Variants in ZFAT observed in about 807,000 individuals in gnomAD.
The protein encoded by ZFAT is zinc finger and AT-hook domain containing, also known as zinc finger protein ZFAT.
In ZFAT, 64 loss-of-function variants were observed where a neutral mutation model predicts 117.7. The ratio of observed to expected loss-of-function variants is 0.54; its 90% CI spans 0.44 to 0.67. ZFAT has a LOEUF of 0.67. Among genes scored for constraint, ZFAT ranks in the 30% least tolerant of loss-of-function variants. The pLI is 0.00. For missense variants in ZFAT, 1,433 were observed against 1,584.5 expected (o/e 0.90, Z 1.62); for synonymous variants, 679 against 615.0 (o/e 1.10, Z -1.54).
At position 134,601,511 on chromosome 8, in the gene ZFAT, C is replaced by G. The variant is rs766337446; in HGVS notation, c.2208G>C (p.Arg736=). ...QMNTSLCERI[R]KVYGDLECEY... is the part of the protein sequence containing the mutation. Reference sequence around the variant, plus strand: ...CACACTCCAGGTCTCCATAAACCTTCCGGATCCGCTCACACAAGCTGGTGT... The same window carrying G: ...CACACTCCAGGTCTCCATAAACCTTGCGGATCCGCTCACACAAGCTGGTGT... The change falls in exon 6 of 16, where the codon CGG becomes CGC. Residue 736 remains arginine, a synonymous_variant. Coordinates refer to ENST00000377838, the MANE Select transcript of ZFAT (RefSeq NM_020863.4). 3.1e-6 allele frequency: 5 copies of G among 1,613,766 alleles called. No homozygotes were observed. In the African/African-American group the frequency reaches 4.0e-5, roughly 13 times the overall value.
chr8:134,831,359 AC>A, the ZFAT span, among the ~76,000 whole-genome samples: 3 of 152,208 alleles, frequency 2.0e-5, no homozygotes, highest in Non-Finnish European at 4.4e-5. Flanking sequence ...CTCCCAAGTA[AC>A]TTTTTTATCA....
intron 1 of ZFAT, among the ~76,000 whole-genome samples, chr8:134,705,605 C>A (rs1179620775): frequency 1.3e-5 from 2 of 151,760 alleles, no homozygotes; most frequent in South Asian, 2.1e-4. Context: ...TTTCAGCTCA[C>A]TGCAACCTCT....
At chr8:134,604,438 A>G (rs1263910805) in intron 5 of ZFAT, among the ~76,000 whole-genome samples, 19 of 152,216 alleles carry the variant, frequency 1.2e-4, no homozygotes, top group Non-Finnish European at 2.9e-5. Context: ...TGGAATGGCC[A>G]AGCCTTGTTT....
the ZFAT span, among the ~76,000 whole-genome samples, chr8:134,816,848 G>A: frequency 6.6e-6 from 1 of 152,000 alleles, no homozygotes; most frequent in Admixed American, 6.6e-5. Context: ...GGGCATGGTG[G>A]TGCATGCCTA....
intron 7 of ZFAT, among the ~76,000 whole-genome samples, chr8:134,595,099 G>T (rs1386535946): frequency 2.0e-4 from 30 of 152,216 alleles, no homozygotes; most frequent in Non-Finnish European, 5.9e-5. Flanking sequence ...TGTGATTTAG[G>T]CCACTAAATA....
At chr8:134,779,375 T>C in the ZFAT span, among the ~76,000 whole-genome samples, 6 of 151,734 alleles carry the variant, frequency 4.0e-5, no homozygotes, top group African/African-American at 1.5e-4. Context: ...GCCAAACAGG[T>C]AACCACAATG....
At chr8:134,800,347 C>T in the ZFAT span, among the ~76,000 whole-genome samples, 1 of 152,282 alleles carries the variant, frequency 6.6e-6, no homozygotes, top group Non-Finnish European at 1.5e-5. Context: ...CTTTTCTCTG[C>T]AAACATATTC....
At chr8:134,745,719 G>C in the ZFAT span, among the ~76,000 whole-genome samples, 1 of 152,114 alleles carries the variant, frequency 6.6e-6, no homozygotes, top group East Asian at 1.9e-4. Flanking sequence ...TGCAATCTAA[G>C]GTCTCACTGA....
At chr8:134,609,008 C>T in intron 4 of ZFAT, 129 bp from the exon 5 acceptor site, 1 of 1,134,180 alleles carries the variant, frequency 8.8e-7, no homozygotes, top group Non-Finnish European at 1.2e-6. Context: ...AGATAGTTTT[C>T]ACTCAGCTCG....
chr8:134,491,439 T>C (rs2130137700), intron 15 of ZFAT, among the ~76,000 whole-genome samples: 1 of 152,370 alleles, frequency 6.6e-6, no homozygotes, highest in East Asian at 1.9e-4. Context: ...AACCAATTAC[T>C]AGAAATTTAG....
chr8:134,485,188 G>C (rs1232662962), intron 15 of ZFAT, among the ~76,000 whole-genome samples: 1 of 152,160 alleles, frequency 6.6e-6, no homozygotes, highest in African/African-American at 2.4e-5. Flanking sequence ...GGGGGGCTCT[G>C]CCCACCCACT....
the ZFAT span, chr8:134,793,414 T>G: frequency 6.6e-6 from 1 of 152,198 alleles, no homozygotes; most frequent in African/African-American, 2.4e-5. Flanking sequence ...TTCTGAGTGC[T>G]TGGTATGTGC....
intron 5 of ZFAT, 125 bp downstream of exon 5, chr8:134,608,604 G>A (rs1828069330): frequency 1.3e-5 from 15 of 1,190,772 alleles, no homozygotes; most frequent in Non-Finnish European, 1.8e-5. Context: ...CAAGGAGTCA[G>A]TATCTCTTAT....
At chr8:134,536,099 G>T (rs899915492) in intron 11 of ZFAT, among the ~76,000 whole-genome samples, 4 of 152,142 alleles carry the variant, frequency 2.6e-5, no homozygotes, top group Admixed American at 2.0e-4. Flanking sequence ...CCATCCATTG[G>T]CAGAATTGCT....
At chr8:134,577,251 C>A (rs16905185) in intron 10 of ZFAT, among the ~76,000 whole-genome samples, 13,853 of 152,214 alleles carry the variant, frequency 0.091, 947 homozygotes, top group East Asian at 0.36. Flanking sequence ...GAAACCTTCA[C>A]CCAGAATGAG....
upstream of ZFAT, among the ~76,000 whole-genome samples, chr8:134,713,435 G>A (rs116704559): frequency 6.2e-3 from 951 of 152,334 alleles, 11 homozygotes; most frequent in African/African-American, 0.021. Context: ...TTACTGATGT[G>A]TCCATCGGGG....
intron 13 of ZFAT, among the ~76,000 whole-genome samples, chr8:134,520,127 AAACACTG>A (rs1428816256): frequency 6.6e-6 from 1 of 152,214 alleles, no homozygotes; most frequent in Non-Finnish European, 1.5e-5. Flanking sequence ...TACCCCCAGG[AAACACTG>A]AACATTGGTA....
chr8:134,512,532 G>T lies in ZFAT; in HGVS notation c.3304C>A (p.Gln1102Lys), dbSNP rs1819933384. ...GCGGCCACCGCTGCCTGTGTCCCTT[G>T]AACGTCTTCTTCGGCCTCTGTGATG... ...LHITEAEEDV[Q>K]GTQAAVAALQ... The change falls in exon 14 of 16, where the codon CAA (glutamine) becomes AAA (lysine). Residue 1102 changes from glutamine (Q) to lysine (K), a missense_variant. Physicochemically the swap from Gln to Lys is moderately conservative, Grantham distance 53. Around this residue, in one of 5 missense-constraint regions of ZFAT, gnomAD observed 503 missense variants for 543.4 expected, o/e 0.93. Coordinates refer to ENST00000377838, the MANE Select transcript of ZFAT (RefSeq NM_020863.4). 2 of 1,613,974 alleles carry T rather than the reference G, an allele frequency of 1.2e-6. No individual in the cohort carries two copies. The highest frequency in any genetic ancestry group is 1.7e-4 in the Middle Eastern group (1 of 6,048).
At chr8:134,790,563 G>A in the ZFAT span, among the ~76,000 whole-genome samples, 1 of 152,110 alleles carries the variant, frequency 6.6e-6, no homozygotes, top group African/African-American at 2.4e-5. Context: ...TCTCTACCAA[G>A]AGTTGTATAC....
Sources: allele counts gnomAD v4.1 joint callset (sites outside exome capture counted in the v4.1 genomes callset), GRCh38; gene constraint gnomAD v4.1.1; regional missense constraint gnomAD v4.1.1; transcripts MANE v1.5; gene names NCBI Gene and HGNC (gene_info 2026-07-23, HGNC 2026-07-21).